The following CFAP44 variants were observed in gnomAD, a reference collection of about 807,000 sequenced individuals.
The protein encoded by CFAP44 is cilia and flagella associated protein 44.
In CFAP44, 134 loss-of-function variants were observed where a neutral mutation model predicts 216.2. The observed-to-expected ratio is 0.62, with a 90% CI of 0.54 to 0.72. The LOEUF (loss-of-function observed/expected upper bound fraction) is 0.72. Ranked by LOEUF, CFAP44 falls within the 30% of genes least tolerant of loss-of-function variation. The pLI, the probability that CFAP44 is intolerant of heterozygous loss-of-function variation, is 0.00. For missense variants in CFAP44, 2,035 were observed against 2,182.1 expected (o/e 0.93, Z 1.34); for synonymous variants, 700 against 727.6 (o/e 0.96, Z 0.61).
chr3:113,314,423 A>G (rs977532042), intron 28 of CFAP44, among the ~76,000 whole-genome samples: 14 of 152,220 alleles, frequency 9.2e-5, no homozygotes, highest in African/African-American at 2.9e-4. Flanking sequence ...AGGATTCTAT[A>G]CCAAGTGAAA....
intron 15 of CFAP44, among the ~76,000 whole-genome samples, chr3:113,388,701 T>G (rs1933715327): frequency 6.6e-6 from 1 of 152,136 alleles, no homozygotes; most frequent in Non-Finnish European, 1.5e-5. Context: ...AACAGAAAGA[T>G]GTTCCATGCA....
chr3:113,415,192 T>C (rs372745679), intron 6 of CFAP44, among the ~76,000 whole-genome samples: 27 of 152,330 alleles, frequency 1.8e-4, no homozygotes, highest in East Asian at 9.6e-4. Context: ...TGTATTTCTG[T>C]GGGTTCAGTG....
rs761359751 is a variant in CFAP44, at chr3:113,308,237, T to C, written c.4548A>G (p.Glu1516=). 95 of 1,536,306 alleles carry C rather than the reference T, an allele frequency of 6.2e-5. No individual in the cohort carries two copies. Among genetic ancestry groups the C allele is most frequent in the African/African-American group, 2.7e-5 (2 of 73,014 alleles). ...CATCACTCTCCAAGCTAGATTCTTC[T>C]TCACTTGATTCCTCACTCTCCTCAT... ...DEDEESEESS[E]EESSLESDED... is the part of the protein sequence containing the mutation. Residue 1516 remains glutamate (E), a synonymous_variant, in exon 29 of 35, where the codon GAA becomes GAG. Transcript: ENST00000393845.
At chr3:113,410,438 G>A (rs1449649322) in intron 6 of CFAP44, among the ~76,000 whole-genome samples, 2 of 152,102 alleles carry the variant, frequency 1.3e-5, no homozygotes, top group East Asian at 1.9e-4. Flanking sequence ...TCAGAATGAT[G>A]GTTTCCAGCT....
In CFAP44 at chr3:113,290,851, G is replaced by T. The variant is rs1192150624; in HGVS notation, c.*706C>A. ...GAGTTGCAGAAATCTTTAAAGAAAA[G>T]CCTCTTTATTGACTGTTTTATTAAG... On this transcript the variant is annotated 3_prime_UTR_variant, in exon 35 of 35. Transcript: ENST00000393845. 1.3e-5 allele frequency: 2 copies of T among 152,284 alleles called. No individual in the cohort carries two copies. The highest frequency in any genetic ancestry group is 2.9e-5 in the Non-Finnish European group (2 of 68,016). 9.4% of individuals were successfully genotyped at this position (152,284 alleles called of 1,614,324 possible). A position where few individuals can be genotyped will look rare whatever the true frequency, so the allele number is the denominator to read the frequency against.
chr3:113,356,989 A>G (rs563339272), intron 22 of CFAP44, among the ~76,000 whole-genome samples: 1 of 152,224 alleles, frequency 6.6e-6, no homozygotes, highest in African/African-American at 2.4e-5. Flanking sequence ...TAACTCATGT[A>G]TATAAATAAC....
intron 16 of CFAP44, 63 bp from the exon 17 acceptor site, chr3:113,379,614 T>C (rs749408832): frequency 9.3e-6 from 12 of 1,291,594 alleles, no homozygotes; most frequent in Non-Finnish European, 1.2e-5. Flanking sequence ...ATTTACACCA[T>C]TAGGGATGAC....
chr3:113,305,450 C>T (rs980319506), intron 30 of CFAP44, among the ~76,000 whole-genome samples: 48 of 152,210 alleles, frequency 3.2e-4, no homozygotes, highest in African/African-American at 9.9e-4. Context: ...GAAAAGCAGC[C>T]CATCAGCATG....
chr3:113,371,626 T>C (rs528294040), intron 18 of CFAP44, among the ~76,000 whole-genome samples: 149 of 152,132 alleles, frequency 9.8e-4, no homozygotes, highest in African/African-American at 3.2e-3. Context: ...CCATAAAAAC[T>C]CTAGAAGAAA....
intron 32 of CFAP44, 102 bp from the exon 33 acceptor site, chr3:113,296,987 A>G (rs1166211212): frequency 4.4e-6 from 6 of 1,349,534 alleles, no homozygotes; most frequent in African/African-American, 1.4e-5. Flanking sequence ...TTGCAAGATG[A>G]TGAAAGATTT....
At chr3:113,339,980 C>T (rs1346256910) in intron 24 of CFAP44, among the ~76,000 whole-genome samples, 1 of 152,188 alleles carries the variant, frequency 6.6e-6, no homozygotes, top group Non-Finnish European at 1.5e-5. Flanking sequence ...GATTGAATTC[C>T]TTGGCCAGGG....
chr3:113,423,830 C>A (rs1292476643), intron 4 of CFAP44, among the ~76,000 whole-genome samples: 2 of 152,156 alleles, frequency 1.3e-5, no homozygotes, highest in African/African-American at 2.4e-5. Flanking sequence ...CCCAGAGACT[C>A]CAGCACAGCC....
chr3:113,294,249 T>C lies in CFAP44; in HGVS notation c.5373+438A>G, dbSNP rs866501404. 3.7e-5 allele frequency: 10 copies of C among 267,536 alleles called. No individual in the cohort carries two copies. In the Admixed American group the frequency reaches 4.5e-4, roughly 12 times the overall value. 16.6% of individuals were successfully genotyped at this position (267,536 alleles called of 1,614,324 possible). A position where few individuals can be genotyped will look rare whatever the true frequency, so the allele number is the denominator to read the frequency against. On this transcript the variant is annotated intron_variant, in intron 34 of 34. Coordinates refer to ENST00000393845, the MANE Select transcript of CFAP44 (RefSeq NM_001164496.2). ...GTTAGGCTGGCTAAATATTATGTAA[T>C]AGCAAGTTGAAACCCACACAAAGTG...
In CFAP44 at chr3:113,330,326, G is replaced by A. The variant is rs1267895881; in HGVS notation, c.3958C>T (p.Arg1320Cys). 4 of 1,536,974 alleles carry A rather than the reference G, an allele frequency of 2.6e-6. No homozygotes were observed. The highest frequency in any genetic ancestry group is 1.4e-5 in the African/African-American group (1 of 72,962). The stretch of plus-strand genomic sequence containing the variant: ...TTTGATGATCTAGATATTGAATCAC[G>A]GGTTGTCAAATCCCCATCCTTTCTA... ...SSRKDGDLTT[R>C]DSISRSSKAS... is the part of the protein sequence containing the mutation. Residue 1320 changes from arginine (R) to cysteine (C), a missense_variant, in exon 26 of 35, where the codon CGT (arginine) becomes TGT (cysteine). This residue lies in a region of CFAP44 where 1,883 missense variants were observed against 2,023.7 expected (regional missense o/e 0.93). Transcript: ENST00000393845.
chr3:113,380,854 G>A (rs369202893), intron 16 of CFAP44, 45 bp downstream of exon 16: 192 of 1,437,048 alleles, frequency 1.3e-4, no homozygotes, highest in Middle Eastern at 5.9e-4. Flanking sequence ...TATATTCTAA[G>A]GAAAGGAAAT....
chr3:113,407,958 C>T (rs780502962), intron 7 of CFAP44, among the ~76,000 whole-genome samples: 16 of 152,048 alleles, frequency 1.1e-4, no homozygotes, highest in Non-Finnish European at 1.6e-4. Context: ...AGATATGGGG[C>T]ATAGAAAATA....
At chr3:113,368,441 T>C (rs1933036856) in intron 18 of CFAP44, among the ~76,000 whole-genome samples, 2 of 152,332 alleles carry the variant, frequency 1.3e-5, no homozygotes, top group South Asian at 4.1e-4. Flanking sequence ...ATATTCAATA[T>C]TCTTAAAGAA....
chr3:113,433,612 T>C lies in CFAP44; in HGVS notation c.53A>G (p.Lys18Arg). 1 of 1,613,436 alleles carries C rather than the reference T, an allele frequency of 6.2e-7. No individual in the cohort carries two copies. Among genetic ancestry groups the C allele is most frequent in the Non-Finnish European group, 8.5e-7 (1 of 1,179,912 alleles). ...DTDGEKSVTSKSDGKKSLRSS... is the reference protein window; with the variant it reads ...DTDGEKSVTSRSDGKKSLRSS... Reference sequence around the variant, plus strand: ...CCTCAGAGACTTCTTCCCATCACTCTTTGATGTAACTGATTTCTCCCCATC... The same window carrying C: ...CCTCAGAGACTTCTTCCCATCACTCCTTGATGTAACTGATTTCTCCCCATC... The change falls in exon 2 of 35, where the codon AAG becomes AGG. Residue 18 changes from lysine (K) to arginine (R), a missense_variant. Lys to Arg is a conservative substitution (Grantham distance 26). Coordinates refer to ENST00000393845, the MANE Select transcript of CFAP44 (RefSeq NM_001164496.2).
chr3:113,297,029 T>G, intron 32 of CFAP44, 144 bp from the exon 33 acceptor site: 1 of 949,716 alleles, frequency 1.1e-6, no homozygotes, highest in Admixed American at 2.1e-5. Flanking sequence ...TCTGTGATTT[T>G]TTCTGCTGCT....
Sources: allele counts gnomAD v4.1 joint callset (sites outside exome capture counted in the v4.1 genomes callset), GRCh38; gene constraint gnomAD v4.1.1; regional missense constraint gnomAD v4.1.1; transcripts MANE v1.5; gene names NCBI Gene and HGNC (gene_info 2026-07-23, HGNC 2026-07-21).